Variants in ROCK1 observed in about 807,000 individuals in gnomAD.
ROCK1 encodes the protein rho-associated protein kinase 1.
Under a neutral mutation model 196.8 loss-of-function variants are expected in ROCK1, and 36 were observed. The ratio of observed to expected loss-of-function variants is 0.18; its 90% confidence interval spans 0.14 to 0.24. The LOEUF (loss-of-function observed/expected upper bound fraction) is 0.24. ROCK1 is among the 10% of genes least tolerant of loss of function. The pLI is 1.00. For synonymous variants in ROCK1, 443 were observed against 515.9 expected (o/e 0.86, Z 1.91); for missense variants, 920 against 1,562.0 (o/e 0.59, Z 6.93).
In ROCK1 at chr18:21,016,918, C is replaced by T. The variant is rs73433104; in HGVS notation, c.1362-1439G>A. ...AAGAGAAAAAAAAATTCTCCCCAAT[C>T]TAGACCTTGCCATCCTCCCCATTCT... On this transcript the variant is annotated intron_variant, in intron 12 of 32. Coordinates refer to ENST00000399799, the MANE Select transcript of ROCK1 (RefSeq NM_005406.3). 6.2e-3 allele frequency among the ~76,000 whole-genome samples: 939 copies of T among 152,156 alleles called. 9 individuals carry two copies. Among genetic ancestry groups the T allele is most frequent in the African/African-American group, 0.022 (901 of 41,494 alleles).
intron 4 of ROCK1, among the ~76,000 whole-genome samples, chr18:21,046,072 G>A (rs777733649): frequency 2.2e-4 from 33 of 151,796 alleles, no homozygotes; most frequent in Non-Finnish European, 4.4e-4. Flanking sequence ...TACCACGCCC[G>A]GCTAATTTTT....
chr18:21,095,352 C>G (rs2143592071), intron 1 of ROCK1, among the ~76,000 whole-genome samples: 1 of 152,160 alleles, frequency 6.6e-6, no homozygotes, highest in East Asian at 1.9e-4. Flanking sequence ...AATCCCACTT[C>G]TAGGTACATA....
At chr18:21,009,351 C>T (rs534420259) in intron 13 of ROCK1, among the ~76,000 whole-genome samples, 2 of 151,420 alleles carry the variant, frequency 1.3e-5, no homozygotes, top group East Asian at 3.9e-4. Context: ...ACATAAAGAC[C>T]TTAAAATCCA....
At chr18:21,037,491 G>A (rs2143495500) in intron 9 of ROCK1, among the ~76,000 whole-genome samples, 1 of 152,170 alleles carries the variant, frequency 6.6e-6, no homozygotes, top group East Asian at 1.9e-4. Context: ...CAGAATAAAA[G>A]AATTCTTGGT....
chr18:21,023,648 C>A lies in ROCK1; in HGVS notation c.1244G>T (p.Arg415Ile). Residue 415 changes from arginine to isoleucine, a missense_variant, in exon 11 of 33, where the codon AGA becomes ATA. By Grantham distance (97) the Arg-to-Ile change is moderately conservative. Transcript: ENST00000399799. ...GCTTTTATCTGCATTGGAGCTAGTTCTGTTATCATTAGGATTTGCTGAAGA... is the reference window on the plus strand; with the variant it reads ...GCTTTTATCTGCATTGGAGCTAGTTATGTTATCATTAGGATTTGCTGAAGA... ...YLSSANPNDNRTSSNADKSLQ... is the reference protein window; with the variant it reads ...YLSSANPNDNITSSNADKSLQ... 6.3e-7 allele frequency: 1 copy of A among 1,579,488 alleles called. No individual in the cohort carries two copies. The highest frequency in any genetic ancestry group is 8.6e-7 in the Non-Finnish European group (1 of 1,161,592).
chr18:20,977,000 GT>G (rs1568372913), intron 22 of ROCK1, among the ~76,000 whole-genome samples: 7 of 151,938 alleles, frequency 4.6e-5, no homozygotes. Context: ...TTCCTACTTC[GT>G]TTTATGCACT....
chr18:21,030,827 C>T (rs1362221931), intron 9 of ROCK1, among the ~76,000 whole-genome samples: 1 of 151,960 alleles, frequency 6.6e-6, no homozygotes, highest in African/African-American at 2.4e-5. Context: ...CAGATGTTGT[C>T]AAAAATGGCA....
intron 2 of ROCK1, among the ~76,000 whole-genome samples, chr18:21,056,142 A>G (rs2036243414): frequency 6.6e-6 from 1 of 152,062 alleles, no homozygotes; most frequent in African/African-American, 2.4e-5. Context: ...TCAGCCCTCA[A>G]TGGTGACTTC....
chr18:20,969,174 A>G lies in ROCK1; in HGVS notation c.2855T>C (p.Ile952Thr), dbSNP rs769453658. The stretch of plus-strand genomic sequence containing the variant: ...TTCATTCTCTCTTCTTAATATTTCA[A>G]TATCTTTGGTTAGCATGCTGTTTGC... Reference protein sequence around the residue: ...EEANSMLTKDIEILRRENEEL... With the variant: ...EEANSMLTKDTEILRRENEEL... Residue 952 changes from isoleucine (I) to threonine (T), a missense_variant, in exon 24 of 33, where the codon ATT becomes ACT. Around this residue, in one of 6 missense-constraint regions of ROCK1, gnomAD observed 520 missense variants for 657.1 expected, o/e 0.79. Coordinates refer to ENST00000399799, the MANE Select transcript of ROCK1 (RefSeq NM_005406.3). The G allele has an allele frequency of 4.4e-6, 7 of 1,604,160 alleles. No homozygotes were observed. The highest frequency in any genetic ancestry group is 1.7e-4 in the Middle Eastern group (1 of 6,042).
At chr18:21,019,367 C>T (rs898715053) in intron 12 of ROCK1, among the ~76,000 whole-genome samples, 3 of 152,126 alleles carry the variant, frequency 2.0e-5, no homozygotes, top group African/African-American at 7.2e-5. Context: ...GTTGGCCTGG[C>T]TGGTCTTGAA....
At chr18:21,030,417 A>G (rs146558692) in intron 9 of ROCK1, among the ~76,000 whole-genome samples, 2 of 152,338 alleles carry the variant, frequency 1.3e-5, no homozygotes, top group Non-Finnish European at 2.9e-5. Flanking sequence ...GATAATCCCC[A>G]CAAAAAGAAT....
intron 13 of ROCK1, among the ~76,000 whole-genome samples, chr18:21,009,848 T>C (rs1023034727): frequency 2.0e-5 from 3 of 152,214 alleles, no homozygotes; most frequent in African/African-American, 7.2e-5. Context: ...TCCATATATC[T>C]AAAAAGTTTA....
intron 1 of ROCK1, among the ~76,000 whole-genome samples, chr18:21,082,129 G>C (rs2036487723): frequency 6.6e-6 from 1 of 151,726 alleles, no homozygotes; most frequent in African/African-American, 2.4e-5. Context: ...TTTAGGGATG[G>C]GGTTTTACCA....
intron 2 of ROCK1, among the ~76,000 whole-genome samples, chr18:21,060,730 TA>T (rs2036281498): frequency 6.7e-6 from 1 of 149,264 alleles, no homozygotes; most frequent in Non-Finnish European, 1.5e-5. Context: ...TCCCATCTAC[TA>T]GGGAGGCTGA....
intron 19 of ROCK1, 39 bp downstream of exon 19, chr18:20,986,890 ATAACTTATATAACCGTTTCTC>A: frequency 2.8e-6 from 4 of 1,419,726 alleles, no homozygotes; most frequent in Non-Finnish European, 2.9e-6. Flanking sequence ...AACTCCAGTC[ATAACTTATATAACCGTTTCTC>A]TTTTAATAGA....
chr18:20,975,768 G>A (rs2035474788), intron 22 of ROCK1, among the ~76,000 whole-genome samples: 1 of 151,894 alleles, frequency 6.6e-6, no homozygotes, highest in Admixed American at 6.6e-5. Context: ...CTGCCACCAC[G>A]CCCGGCTAAT....
At chr18:20,994,011 C>A (rs973431638) in intron 16 of ROCK1, among the ~76,000 whole-genome samples, 1 of 152,176 alleles carries the variant, frequency 6.6e-6, no homozygotes, top group African/African-American at 2.4e-5. Context: ...GTACTCTAGT[C>A]ACCTCCCATA....
At chr18:21,058,202 T>A (rs757025197) in intron 2 of ROCK1, among the ~76,000 whole-genome samples, 17 of 152,218 alleles carry the variant, frequency 1.1e-4, no homozygotes, top group Non-Finnish European at 2.2e-4. Flanking sequence ...CTGAGTTTGG[T>A]GAGACTACAG....
chr18:21,037,041 G>T (rs1199189668), intron 9 of ROCK1, among the ~76,000 whole-genome samples: 1 of 152,062 alleles, frequency 6.6e-6, no homozygotes, highest in Non-Finnish European at 1.5e-5. Context: ...AAAGGCTTTG[G>T]AGTTAAGAGA....
Sources: allele counts gnomAD v4.1 joint callset (sites outside exome capture counted in the v4.1 genomes callset), GRCh38; gene constraint gnomAD v4.1.1; regional missense constraint gnomAD v4.1.1; transcripts MANE v1.5; gene names NCBI Gene and HGNC (gene_info 2026-07-23, HGNC 2026-07-21).